The following SCN2A variants were observed in gnomAD, a reference collection of about 807,000 sequenced individuals.
SCN2A encodes the protein sodium voltage-gated channel alpha subunit 2, also known as sodium channel protein type 2 subunit alpha.
Under a neutral mutation model 188.7 loss-of-function variants are expected in SCN2A, and 20 were observed. That is an observed-to-expected ratio of 0.11 (90% CI 0.07 to 0.15). SCN2A has a LOEUF of 0.15. SCN2A is among the 10% of genes least tolerant of loss of function. The pLI is 1.00. For synonymous variants in SCN2A, 804 were observed against 833.1 expected, an observed-to-expected ratio of 0.97 and a Z score of 0.60; for missense variants, 1,278 against 2,445.0, an observed-to-expected ratio of 0.52 and a Z score of 10.07.
intron 20 of SCN2A, chr2:165,371,148 T>C (rs1185429547): frequency 1.3e-5 from 2 of 152,208 alleles, no homozygotes; most frequent in Admixed American, 1.3e-4. Flanking sequence ...TATCTGATAC[T>C]TGATATATCT....
intron 16 of SCN2A, among the ~76,000 whole-genome samples, chr2:165,350,996 G>A (rs1048703131): frequency 6.6e-6 from 1 of 152,192 alleles, no homozygotes; most frequent in African/African-American, 2.4e-5. Context: ...GCCAAGAACT[G>A]TGCTGAAAGC....
At chr2:165,351,030 C>T (rs1235503514) in intron 16 of SCN2A, among the ~76,000 whole-genome samples, 1 of 152,168 alleles carries the variant, frequency 6.6e-6, no homozygotes, top group Non-Finnish European at 1.5e-5. Flanking sequence ...TCACTGAATC[C>T]TTTCAACAAC....
At chr2:165,373,178 A>G (rs1341315176) in intron 20 of SCN2A, 47 bp from the exon 21 acceptor site, 1 of 1,601,612 alleles carries the variant, frequency 6.2e-7, no homozygotes, top group East Asian at 2.2e-5. Context: ...AACTGTGTAG[A>G]CATTTTTATA....
intron 1 of SCN2A, among the ~76,000 whole-genome samples, chr2:165,292,813 T>C (rs1451519299): frequency 6.6e-6 from 1 of 152,198 alleles, no homozygotes; most frequent in East Asian, 1.9e-4. Flanking sequence ...ATGTCCTTAC[T>C]TCAGTTTGCA....
At chr2:165,321,471 T>G (rs1266805741) in intron 11 of SCN2A, among the ~76,000 whole-genome samples, 1 of 152,238 alleles carries the variant, frequency 6.6e-6, no homozygotes, top group Admixed American at 6.5e-5. Context: ...TGTATTAATC[T>G]GTTTTCATGC....
intron 7 of SCN2A, among the ~76,000 whole-genome samples, chr2:165,311,429 A>G (rs1574561740): frequency 6.6e-6 from 1 of 152,248 alleles, no homozygotes; most frequent in African/African-American, 2.4e-5. Context: ...ATATACTCAG[A>G]CAACATATCT....
intron 3 of SCN2A, among the ~76,000 whole-genome samples, chr2:165,304,951 G>T (rs1193020689): frequency 6.6e-6 from 1 of 152,176 alleles, no homozygotes; most frequent in Non-Finnish European, 1.5e-5. Flanking sequence ...ACAGTATGCA[G>T]AATGGATTAA....
chr2:165,356,627 A>C (rs566514199), intron 17 of SCN2A, among the ~76,000 whole-genome samples: 1 of 152,370 alleles, frequency 6.6e-6, no homozygotes, highest in South Asian at 2.1e-4. Context: ...ATTATACAGT[A>C]TCAAACGTTG....
At chr2:165,377,729 A>G (rs1226886029) in intron 23 of SCN2A, 79 bp downstream of exon 23, 9 of 1,139,426 alleles carry the variant, frequency 7.9e-6, no homozygotes, top group Non-Finnish European at 9.0e-6. Context: ...GATATTGTCA[A>G]TAAAATAAAA....
chr2:165,315,796 A>G (rs780019092), intron 11 of SCN2A, 38 bp downstream of exon 11: 3 of 1,598,298 alleles, frequency 1.9e-6, no homozygotes, highest in East Asian at 2.2e-5. Context: ...GTTCTCATAA[A>G]TTTTTTAAAA....
Position 165,376,108 on chromosome 2 carries a change from C to A in SCN2A, c.4254+1142C>A, listed in dbSNP as rs568689519. On this transcript the variant is annotated intron_variant, in intron 22 of 26. Transcript: ENST00000375437. ...TTCAATTCGACAGGAAGAATACATT[C>A]TGTAGAGCTATTGTACAGCATGGTG... Among the ~76,000 whole-genome samples the A allele has an allele frequency of 7.9e-5, 12 of 151,870 alleles. No homozygotes were observed. In the South Asian group the frequency reaches 2.3e-3, roughly 29 times the overall value.
In SCN2A at chr2:165,256,037, G is replaced by T. The variant is rs375118083; in HGVS notation, c.-52+16397G>T. Among the ~76,000 whole-genome samples, 7 of 122,224 alleles carry T rather than the reference G, an allele frequency of 5.7e-5. No individual in the cohort carries two copies. In the East Asian group the frequency reaches 1.2e-3, roughly 21 times the overall value. The allele number at this position is 122,224 out of a possible 152,430, so 80.2% of individuals were successfully genotyped here. ...TTTTTTTTTGGTGATGGAGTCTCTCGCTCTGTCGCCCAGGCTGGAGTGCAG... is the reference window on the plus strand; with the variant it reads ...TTTTTTTTTGGTGATGGAGTCTCTCTCTCTGTCGCCCAGGCTGGAGTGCAG... On this transcript the variant is annotated intron_variant, in intron 1 of 26. Transcript: ENST00000375437.
chr2:165,342,344 A>G lies in SCN2A; in HGVS notation c.2437A>G (p.Met813Val). ...AGAAATGTTTCTCAAGATAATTGCC[A>G]TGGATCCATATTATTACTTTCAAGA... The part of the protein sequence containing the change: ...TAEMFLKIIA[M>V]DPYYYFQEGW... Residue 813 changes from methionine to valine, a missense_variant, in exon 15 of 27, where the codon ATG becomes GTG. By Grantham distance (21) the Met-to-Val change is conservative. Transcript: ENST00000375437. 2 of 1,613,230 alleles carry G rather than the reference A, an allele frequency of 1.2e-6. No homozygotes were observed. Among genetic ancestry groups the G allele is most frequent in the Non-Finnish European group, 8.5e-7 (1 of 1,179,268 alleles).
intron 10 of SCN2A, among the ~76,000 whole-genome samples, chr2:165,314,764 G>T (rs1419128188): frequency 6.6e-6 from 1 of 152,074 alleles, no homozygotes; most frequent in Non-Finnish European, 1.5e-5. Context: ...TGACTTAATG[G>T]CATTAACTAA....
chr2:165,274,691 G>C (rs1695257630), intron 1 of SCN2A, among the ~76,000 whole-genome samples: 1 of 152,138 alleles, frequency 6.6e-6, no homozygotes, highest in Non-Finnish European at 1.5e-5. Context: ...AATATTTCCA[G>C]GCATTAAGGA....
chr2:165,301,965 C>A (rs574321298), intron 3 of SCN2A, among the ~76,000 whole-genome samples: 8 of 152,284 alleles, frequency 5.3e-5, no homozygotes, highest in African/African-American at 1.9e-4. Flanking sequence ...ATTCTTGGCT[C>A]TTTGCATTTT....
chr2:165,244,692 A>T (rs1045693589), intron 1 of SCN2A, among the ~76,000 whole-genome samples: 7 of 152,220 alleles, frequency 4.6e-5, no homozygotes, highest in Admixed American at 4.6e-4. Flanking sequence ...GGATAAAATG[A>T]TCTTAGGAAG....
Position 165,323,492 on chromosome 2 carries a change from C to T in SCN2A, c.2008C>T (p.Leu670=). The T allele has an allele frequency of 6.2e-7, 1 of 1,612,000 alleles. No homozygotes were observed. Among genetic ancestry groups the T allele is most frequent in the Non-Finnish European group, 8.5e-7 (1 of 1,179,044 alleles). Residue 670 remains leucine, a synonymous_variant, in exon 12 of 27, where the codon CTA becomes TTA. Coordinates refer to ENST00000375437, the MANE Select transcript of SCN2A (RefSeq NM_001040142.2). ...PSTLTSAGQL[L]PEGTTTETEI... The stretch of plus-strand genomic sequence containing the variant: ...TACCCTCACATCTGCTGGGCAGCTC[C>T]TACCAGAGGTGAGGCCAATTAAAAT...
At chr2:165,263,421 G>A (rs533076771) in intron 1 of SCN2A, among the ~76,000 whole-genome samples, 19 of 152,062 alleles carry the variant, frequency 1.2e-4, no homozygotes, top group Non-Finnish European at 2.2e-4. Flanking sequence ...TGAAATATGA[G>A]GATCCAGTTT....
Sources: allele counts gnomAD v4.1 joint callset (sites outside exome capture counted in the v4.1 genomes callset), GRCh38; gene constraint gnomAD v4.1.1; transcripts MANE v1.5; gene names NCBI Gene and HGNC (gene_info 2026-07-23, HGNC 2026-07-21).